Variants in MPPED2 observed in about 807,000 individuals in gnomAD.
MPPED2 encodes metallophosphoesterase MPPED2.
In MPPED2, 5 loss-of-function variants were observed where a neutral mutation model predicts 33.0. The observed-to-expected ratio is 0.15, with a 90% CI of 0.08 to 0.32. The LOEUF (loss-of-function observed/expected upper bound fraction) is 0.32. Among genes scored for constraint, MPPED2 ranks in the 10% least tolerant of loss-of-function variants. MPPED2 has a pLI of 1.00. For synonymous variants in MPPED2, 136 were observed against 141.9 expected, an observed-to-expected ratio of 0.96 and a Z score of 0.29; for missense variants, 275 against 372.1, an observed-to-expected ratio of 0.74 and a Z score of 2.15.
At chr11:30,522,158 C>A (rs199688079) in intron 3 of MPPED2, among the ~76,000 whole-genome samples, 2 of 151,420 alleles carry the variant, frequency 1.3e-5, no homozygotes, top group African/African-American at 4.9e-5. Context: ...TGTATAGAAG[C>A]CTGGAATAGA....
intron 3 of MPPED2, among the ~76,000 whole-genome samples, chr11:30,519,459 G>A (rs1031501582): frequency 4.6e-5 from 7 of 151,810 alleles, no homozygotes; most frequent in Middle Eastern, 3.2e-3. Flanking sequence ...TACTGATGGT[G>A]GTGGTAGTGG....
intron 1 of MPPED2, among the ~76,000 whole-genome samples, chr11:30,582,740 T>C (rs1272649457): frequency 1.3e-5 from 2 of 152,344 alleles, no homozygotes; most frequent in East Asian, 3.9e-4. Context: ...GTCCGCTTGA[T>C]CCTAATGTCA....
intron 4 of MPPED2, among the ~76,000 whole-genome samples, chr11:30,466,769 A>G (rs1417763723): frequency 6.6e-6 from 1 of 152,228 alleles, no homozygotes; most frequent in Non-Finnish European, 1.5e-5. Flanking sequence ...GTGGCCCCAA[A>G]TACCTACTGC....
chr11:30,419,674 T>C (rs1285549991), intron 4 of MPPED2, among the ~76,000 whole-genome samples: 1 of 152,168 alleles, frequency 6.6e-6, no homozygotes, highest in Admixed American at 6.5e-5. Flanking sequence ...ACCCAAGTTG[T>C]GTCAATGAGA....
chr11:30,386,808 G>A (rs1261756497), exon 7 of MPPED2: 1 of 398,470 alleles, frequency 2.5e-6, no homozygotes. Flanking sequence ...CATATTAGTA[G>A]GATTATTATA....
intron 4 of MPPED2, among the ~76,000 whole-genome samples, chr11:30,434,571 A>G (rs1057224602): frequency 6.6e-5 from 10 of 152,202 alleles, no homozygotes; most frequent in African/African-American, 2.4e-4. Flanking sequence ...ATATTAATAC[A>G]AGCTTGTGCA....
intron 2 of MPPED2, among the ~76,000 whole-genome samples, chr11:30,540,689 T>C (rs1955055035): frequency 6.6e-6 from 1 of 152,158 alleles, no homozygotes; most frequent in Non-Finnish European, 1.5e-5. Context: ...ACACCCAGCA[T>C]ATACTGGGAG....
chr11:30,397,716 T>C (rs754701699), intron 6 of MPPED2, among the ~76,000 whole-genome samples: 5 of 152,270 alleles, frequency 3.3e-5, no homozygotes, highest in Middle Eastern at 3.4e-3. Context: ...ATTTTAATGA[T>C]GAAGAAACAG....
At chr11:30,479,632 C>T (rs893641366) in intron 4 of MPPED2, among the ~76,000 whole-genome samples, 7 of 126,544 alleles carry the variant, frequency 5.5e-5, no homozygotes, top group Admixed American at 8.0e-5. Context: ...CAAAGACATA[C>T]CTCTAAAGGA....
rs1948743901 is a variant in MPPED2, at chr11:30,424,432, A to G, written c.537-6799T>C. ...GCCATCGGCCCCTCTCCGACTGCAC[A>G]TCACACCAGGTCCAAGAGAAGCTAA... On this transcript the variant is annotated intron_variant, in intron 4 of 6. Coordinates refer to ENST00000358117, the MANE Select transcript of MPPED2 (RefSeq NM_001584.3). Among the ~76,000 whole-genome samples the G allele has an allele frequency of 3.9e-5, 6 of 152,220 alleles. No homozygotes were observed. In the South Asian group the frequency reaches 1.2e-3, roughly 32 times the overall value.
At chr11:30,476,151 T>A (rs1477231007) in intron 4 of MPPED2, among the ~76,000 whole-genome samples, 1 of 152,068 alleles carries the variant, frequency 6.6e-6, no homozygotes, top group Non-Finnish European at 1.5e-5. Flanking sequence ...GAGATTTACA[T>A]AATATCCAGA....
In MPPED2 at chr11:30,560,342, G is replaced by C. The variant is rs139946314; in HGVS notation, c.128+19904C>G. Among the ~76,000 whole-genome samples, 650 of 150,978 alleles carry C rather than the reference G, an allele frequency of 4.3e-3. 3 individuals carry two copies. Among genetic ancestry groups the C allele is most frequent in the Non-Finnish European group, 7.4e-3 (504 of 67,790 alleles). ...AAAAAAAATATGTTAACCATTTTCT[G>C]TGGCCAACTGCCTGAAAAGCTTCAG... On this transcript the variant is annotated intron_variant, in intron 2 of 6. Coordinates refer to ENST00000358117, the MANE Select transcript of MPPED2 (RefSeq NM_001584.3).
chr11:30,525,506 A>G (rs1323338564), intron 3 of MPPED2, among the ~76,000 whole-genome samples: 1 of 152,220 alleles, frequency 6.6e-6, no homozygotes, highest in Non-Finnish European at 1.5e-5. Context: ...TGCTAAGCTG[A>G]TGAAGTAATA....
downstream of MPPED2, among the ~76,000 whole-genome samples, chr11:30,407,697 T>C (rs1948011594): frequency 6.6e-6 from 1 of 151,746 alleles, no homozygotes; most frequent in African/African-American, 2.4e-5. Flanking sequence ...CATGGGGAAA[T>C]CCTGTCTCTA....
chr11:30,475,319 T>C (rs1052842905), intron 4 of MPPED2, among the ~76,000 whole-genome samples: 2 of 152,182 alleles, frequency 1.3e-5, no homozygotes, highest in African/African-American at 4.8e-5. Context: ...ATAAGCTGTA[T>C]CTATTCAAAT....
chr11:30,468,365 T>C (rs1254314568), intron 4 of MPPED2, among the ~76,000 whole-genome samples: 1 of 152,174 alleles, frequency 6.6e-6, no homozygotes, highest in Non-Finnish European at 1.5e-5. Flanking sequence ...CACTTCACCA[T>C]GTGGCATAGC....
At chr11:30,489,609 G>A (rs1224649121) in intron 4 of MPPED2, among the ~76,000 whole-genome samples, 3 of 152,172 alleles carry the variant, frequency 2.0e-5, no homozygotes, top group Middle Eastern at 3.2e-3. Context: ...TTTTCCTGCT[G>A]GAGAAGTTAA....
rs546601976 is a variant in MPPED2 at position 30,580,236 on chromosome 11, C to T, written c.128+10G>A. The T allele has an allele frequency of 5.6e-5, 90 of 1,608,864 alleles. No homozygotes were observed. The Admixed American group carries it at 1.1e-3, about 20-fold the overall frequency. ...TTGCTAATTTTGTTAAGTTCATAAG[C>T]GATACTTACATATGTACATGTGGAG... On this transcript the variant is annotated intron_variant, in intron 2 of 6. Coordinates refer to ENST00000358117, the MANE Select transcript of MPPED2 (RefSeq NM_001584.3).
chr11:30,520,730 A>G (rs550091943), intron 3 of MPPED2, among the ~76,000 whole-genome samples: 5 of 152,324 alleles, frequency 3.3e-5, no homozygotes, highest in African/African-American at 1.2e-4. Flanking sequence ...CTTAGTCAAA[A>G]TGTCACTTTT....
Sources: allele counts gnomAD v4.1 joint callset (sites outside exome capture counted in the v4.1 genomes callset), GRCh38; gene constraint gnomAD v4.1.1; transcripts MANE v1.5; gene names NCBI Gene and HGNC (gene_info 2026-07-23, HGNC 2026-07-21).